The following GPC5 variants were observed in gnomAD, a reference collection of about 807,000 sequenced individuals.
The protein encoded by GPC5 is glypican-5.
Under a neutral mutation model 53.9 loss-of-function variants are expected in GPC5, and 47 were observed. That is an observed-to-expected ratio of 0.87 (90% CI 0.69 to 1.11). GPC5 has a LOEUF of 1.11. Ranked by LOEUF, GPC5 falls within the 50% of genes most tolerant of loss-of-function variation. GPC5 has a pLI of 0.00. For missense variants in GPC5, 748 were observed against 713.1 expected (o/e 1.05, Z -0.56); for synonymous variants, 286 against 263.3 (o/e 1.09, Z -0.84).
chr13:91,622,461 G>A (rs188300072), intron 2 of GPC5, among the ~76,000 whole-genome samples: 46 of 152,044 alleles, frequency 3.0e-4, no homozygotes, highest in East Asian at 3.9e-4. Flanking sequence ...GAACATGTTC[G>A]TTTTTGTTAG....
At chr13:91,542,494 A>G (rs1257911706) in intron 2 of GPC5, among the ~76,000 whole-genome samples, 1 of 152,188 alleles carries the variant, frequency 6.6e-6, no homozygotes, top group East Asian at 1.9e-4. Context: ...ACATTAATGT[A>G]TTCATGATTT....
At chr13:92,758,191 A>G (rs1398002509) in intron 7 of GPC5, among the ~76,000 whole-genome samples, 3 of 149,682 alleles carry the variant, frequency 2.0e-5, no homozygotes, top group African/African-American at 4.9e-5. Flanking sequence ...AGGGACATGG[A>G]TGAAATTGGA....
At chr13:92,802,124 A>T (rs1227727630) in intron 7 of GPC5, among the ~76,000 whole-genome samples, 1 of 151,850 alleles carries the variant, frequency 6.6e-6, no homozygotes, top group East Asian at 1.9e-4. Context: ...TAAGTGCCCT[A>T]CACAGGTGTA....
chr13:92,784,277 G>A (rs1876134807), intron 7 of GPC5, among the ~76,000 whole-genome samples: 1 of 152,104 alleles, frequency 6.6e-6, no homozygotes. Flanking sequence ...TCAACTCTAT[G>A]ATAATTATAA....
chr13:91,557,625 A>C (rs2031031369), intron 2 of GPC5, among the ~76,000 whole-genome samples: 1 of 152,166 alleles, frequency 6.6e-6, no homozygotes, highest in South Asian at 2.1e-4. Context: ...TGAATACAGT[A>C]TGTAAGATTT....
chr13:92,783,679 T>A (rs1023613744), intron 7 of GPC5, among the ~76,000 whole-genome samples: 2 of 152,182 alleles, frequency 1.3e-5, no homozygotes, highest in Non-Finnish European at 2.9e-5. Flanking sequence ...AATGAGAATA[T>A]GATAAAATTT....
intron 6 of GPC5, among the ~76,000 whole-genome samples, chr13:92,062,852 A>G (rs751099841): frequency 1.3e-5 from 2 of 152,070 alleles, no homozygotes; most frequent in African/African-American, 4.8e-5. Context: ...TGTAACATTC[A>G]GCAAACATTT....
Position 92,129,442 on chromosome 13 carries a change from G to A in GPC5, c.1402-15388G>A, listed in dbSNP as rs575256984. ...GAATACTTCATTATTCTTTTATATA[G>A]TGTCCAGCATGATACGAAAAATGTC... On this transcript the variant is annotated intron_variant, in intron 6 of 7. Coordinates refer to ENST00000377067, the MANE Select transcript of GPC5 (RefSeq NM_004466.6). Among the ~76,000 whole-genome samples, 26 of 152,234 alleles carry A rather than the reference G, an allele frequency of 1.7e-4. No homozygotes were observed. The East Asian group carries it at 4.6e-3, about 27-fold the overall frequency.
At chr13:92,600,656 C>A (rs1409676591) in intron 7 of GPC5, among the ~76,000 whole-genome samples, 1 of 116,626 alleles carries the variant, frequency 8.6e-6, no homozygotes, top group Admixed American at 1.1e-4. Flanking sequence ...CATCACCACA[C>A]CCAGCTATTT....
intron 7 of GPC5, among the ~76,000 whole-genome samples, chr13:92,643,392 A>G (rs1385970031): frequency 6.6e-6 from 1 of 151,652 alleles, no homozygotes; most frequent in African/African-American, 2.4e-5. Flanking sequence ...TACCCAAATG[A>G]CTATAAATCA....
intron 7 of GPC5, among the ~76,000 whole-genome samples, chr13:92,782,559 C>T (rs1021370279): frequency 1.3e-5 from 2 of 152,054 alleles, no homozygotes; most frequent in Admixed American, 6.6e-5. Context: ...TCATTGTGAG[C>T]GGAGCAGAGA....
intron 6 of GPC5, among the ~76,000 whole-genome samples, chr13:92,088,790 A>G (rs745756136): frequency 2.0e-5 from 3 of 152,158 alleles, no homozygotes; most frequent in Non-Finnish European, 4.4e-5. Flanking sequence ...TTTAATCTTC[A>G]CTGTATTTCA....
intron 7 of GPC5, among the ~76,000 whole-genome samples, chr13:92,179,326 C>T (rs757742529): frequency 6.6e-6 from 1 of 152,084 alleles, no homozygotes; most frequent in Non-Finnish European, 1.5e-5. Context: ...TGAGCATGGC[C>T]CTCTTTTTCT....
chr13:92,685,558 T>TAATTTTTTTTTTTA (rs1887242957), intron 7 of GPC5, among the ~76,000 whole-genome samples: 2 of 109,728 alleles, frequency 1.8e-5, no homozygotes, highest in Non-Finnish European at 1.8e-5. Context: ...TTTTTTTTTT[T>TAATTTTTTTTTTTA]AATTTTTTTT....
intron 2 of GPC5, among the ~76,000 whole-genome samples, chr13:91,551,444 T>C (rs16946156): frequency 0.046 from 6,975 of 152,134 alleles, 527 homozygotes; most frequent in African/African-American, 0.16. Context: ...GGAGCTTCCA[T>C]AAAATAGAGT....
chr13:91,550,667 A>T (rs889973218), intron 2 of GPC5, among the ~76,000 whole-genome samples: 8 of 152,032 alleles, frequency 5.3e-5, no homozygotes, highest in African/African-American at 1.9e-4. Context: ...CTTGAATAAA[A>T]TTTTTTGATT....
intron 7 of GPC5, among the ~76,000 whole-genome samples, chr13:92,328,335 C>A (rs1190179249): frequency 6.6e-6 from 1 of 152,012 alleles, no homozygotes. Context: ...AGGGAGTTCC[C>A]AAAAGGGAGA....
At chr13:92,197,388 G>C (rs1024931696) in intron 7 of GPC5, among the ~76,000 whole-genome samples, 4 of 152,130 alleles carry the variant, frequency 2.6e-5, no homozygotes, top group Non-Finnish European at 5.9e-5. Flanking sequence ...ATTGATCGCT[G>C]TAGGTAGATC....
At chr13:92,152,612 G>A (rs1178730187) in intron 7 of GPC5, among the ~76,000 whole-genome samples, 4 of 151,934 alleles carry the variant, frequency 2.6e-5, no homozygotes, top group Non-Finnish European at 4.4e-5. Flanking sequence ...CGTGGCGGGC[G>A]CCTGTAGCCC....
Sources: allele counts gnomAD v4.1 joint callset (sites outside exome capture counted in the v4.1 genomes callset), GRCh38; gene constraint gnomAD v4.1.1; transcripts MANE v1.5; gene names NCBI Gene and HGNC (gene_info 2026-07-23, HGNC 2026-07-21).